GIT1: variants seen among roughly 807,000 people sequenced by gnomAD.
The protein encoded by GIT1 is GIT ArfGAP 1.
Under a neutral mutation model 91.7 loss-of-function variants are expected in GIT1, and 14 were observed. The observed-to-expected ratio is 0.15, with a 90% CI of 0.10 to 0.24. GIT1 has a LOEUF of 0.24. Ranked by LOEUF, GIT1 falls within the 10% of genes least tolerant of loss-of-function variation. GIT1 has a pLI of 1.00. For synonymous variants in GIT1, 414 were observed against 418.2 expected (o/e 0.99, Z 0.12); for missense variants, 717 against 1,024.9 (o/e 0.70, Z 4.10).
At position 29,588,178 on chromosome 17, in the gene GIT1, C is replaced by A. The variant is rs553314354; in HGVS notation, c.52+1149G>T. The stretch of plus-strand genomic sequence containing the variant: ...AAGGGGTGGCTGAAAGTTATGGGCC[C>A]ACAAACCAGCACCCCATACTCTCAC... On this transcript the variant is annotated intron_variant, in intron 1 of 19. Coordinates refer to ENST00000225394, the MANE Select transcript of GIT1 (RefSeq NM_014030.4). Among the ~76,000 whole-genome samples the A allele has an allele frequency of 5.3e-5, 8 of 152,324 alleles. 1 individual carries two copies. The highest frequency in any genetic ancestry group is 4.6e-4 in the Admixed American group (7 of 15,304).
rs534616331 is a variant in GIT1, at chr17:29,581,667, C to T, written c.718+75G>A. The stretch of plus-strand genomic sequence containing the variant: ...GCTCTGTCACCATGGCACCTGCTGC[C>T]GGGTGCGTCCAGGTCCCACCTGCCC... On this transcript the variant is annotated intron_variant, in intron 6 of 19. Coordinates refer to ENST00000225394, the MANE Select transcript of GIT1 (RefSeq NM_014030.4). The surrounding 1 kb of genome is among the most constrained non-coding windows in gnomAD (Gnocchi z 4.8). 9.2e-5 allele frequency: 105 copies of T among 1,136,274 alleles called. No homozygotes were observed. In the African/African-American group the frequency reaches 9.6e-4, roughly 10 times the overall value. The allele number at this position is 1,136,274 out of a possible 1,614,324, so 70.4% of individuals were successfully genotyped here.
In GIT1 at chr17:29,589,417, T is replaced by G. The variant is rs2033729548; in HGVS notation, c.-39A>C. On this transcript the variant is annotated 5_prime_UTR_variant, in exon 1 of 20. Coordinates refer to ENST00000225394, the MANE Select transcript of GIT1 (RefSeq NM_014030.4). This position sits in a 1 kb window ranked among gnomAD's most constrained non-coding sequence, Gnocchi z 5.2. ...GCGGCCGCAGCCCTCTGGGCCAGCG[T>G]GGGGGGCGCGGGCGGCGGGCCCGGG... 1.1e-6 allele frequency: 1 copy of G among 926,006 alleles called. No individual in the cohort carries two copies. Among genetic ancestry groups the G allele is most frequent in the Non-Finnish European group, 1.3e-6 (1 of 777,822 alleles). 57.4% of individuals were successfully genotyped at this position (926,006 alleles called of 1,614,324 possible).
At chr17:29,582,835 A>ATGGTGGGAGAGGGTGGTCACCT (rs1270134217) in intron 3 of GIT1, 32 bp from the exon 4 acceptor site, 1 of 1,589,002 alleles carries the variant, frequency 6.3e-7, no homozygotes, top group Non-Finnish European at 8.6e-7. Context: ...AATGGGGAGC[A>ATGGTGGGAGAGGGTGGTCACCT]TGGTGGGAGA....
chr17:29,588,649 G>A (rs2033683477), intron 1 of GIT1, among the ~76,000 whole-genome samples: 1 of 152,072 alleles, frequency 6.6e-6, no homozygotes, highest in Non-Finnish European at 1.5e-5. Context: ...AGGAACAGCA[G>A]GGTCCAGCCG....
intron 8 of GIT1, 137 bp from the exon 9 acceptor site, chr17:29,578,508 A>G (rs927696315): frequency 9.1e-6 from 8 of 880,374 alleles, no homozygotes; most frequent in Non-Finnish European, 1.5e-5. Flanking sequence ...TCAGAATGGG[A>G]AAGTGGAAAG....
intron 7 of GIT1, 140 bp from the exon 8 acceptor site, chr17:29,578,919 C>T: frequency 1.9e-6 from 3 of 1,607,276 alleles, no homozygotes; most frequent in Non-Finnish European, 2.6e-6. Flanking sequence ...CCTCCCCGCC[C>T]TACCCCACCT....
At position 29,573,546 on chromosome 17, in the gene GIT1, G is replaced by A. The variant is rs1323472554; in HGVS notation, c.*1156C>T. On this transcript the variant is annotated 3_prime_UTR_variant, in exon 20 of 20. Transcript: ENST00000225394. ...TGACAGCCCACCCACCACCACACAG[G>A]TAGGGCCTGGCCCCCAGGGAAGAAG... 3.3e-5 allele frequency: 5 copies of A among 152,630 alleles called. 1 individual carries two copies. Among genetic ancestry groups the A allele is most frequent in the Admixed American group, 3.3e-4 (5 of 15,288 alleles). 9.5% of individuals were successfully genotyped at this position (152,630 alleles called of 1,614,324 possible). A position where few individuals can be genotyped will look rare whatever the true frequency, so the allele number is the denominator to read the frequency against.
Position 29,589,265 on chromosome 17 carries a change from C to A in GIT1, c.52+62G>T. ...GCCCCGCACAGCGCTCTTGCCAGGC[C>A]CCGGCGCCCGCCCGGCGGCGGCCTG... On this transcript the variant is annotated intron_variant, in intron 1 of 19. Transcript: ENST00000225394. This position sits in a 1 kb window ranked among gnomAD's most constrained non-coding sequence, Gnocchi z 5.2. The A allele has an allele frequency of 2.8e-6, 2 of 726,030 alleles. No individual in the cohort carries two copies. Among genetic ancestry groups the A allele is most frequent in the Non-Finnish European group, 3.4e-6 (2 of 590,680 alleles). The allele number at this position is 726,030 out of a possible 1,614,324, so 45.0% of individuals were successfully genotyped here.
rs149075191 is a variant in GIT1, at chr17:29,579,910, G to A, written c.762-1131C>T. ...CACACTTCTGTGCCTGGAACTCTCCGCTCTCGGGATGGTCACTGCTCCTGC... is the reference window on the plus strand; with the variant it reads ...CACACTTCTGTGCCTGGAACTCTCCACTCTCGGGATGGTCACTGCTCCTGC... On this transcript the variant is annotated intron_variant, in intron 7 of 19. Coordinates refer to ENST00000225394, the MANE Select transcript of GIT1 (RefSeq NM_014030.4). Among the ~76,000 whole-genome samples the A allele has an allele frequency of 1.4e-4, 22 of 152,196 alleles. No homozygotes were observed. In the East Asian group the frequency reaches 3.1e-3, roughly 21 times the overall value.
At chr17:29,586,722 G>C (rs1371105706) in intron 1 of GIT1, among the ~76,000 whole-genome samples, 4 of 152,240 alleles carry the variant, frequency 2.6e-5, no homozygotes, top group African/African-American at 7.2e-5. Flanking sequence ...AGTGGAAAAG[G>C]CTGAGATAGA....
In GIT1 at chr17:29,574,759, G is replaced by A. The variant is rs529339978; in HGVS notation, c.2229C>T (p.Asp743=). ...LTQQVIQCAY[D]IAKAAKQLVT... is the part of the protein sequence containing the mutation. The stretch of plus-strand genomic sequence containing the variant: ...CCAGCTGCTTGGCAGCCTTGGCGAT[G>A]TCATAGGCGCACTGGATCACCTGCT... Residue 743 remains aspartate (D), a synonymous_variant, in exon 20 of 20, where the codon GAC becomes GAT. Coordinates refer to ENST00000225394, the MANE Select transcript of GIT1 (RefSeq NM_014030.4). 2.5e-6 allele frequency: 4 copies of A among 1,613,608 alleles called. No homozygotes were observed. In the African/African-American group the frequency reaches 5.3e-5, roughly 22 times the overall value.
At chr17:29,578,513 G>A (rs1437826244) in intron 8 of GIT1, 142 bp from the exon 9 acceptor site, 5 of 875,564 alleles carry the variant, frequency 5.7e-6, no homozygotes, top group Non-Finnish European at 5.8e-6. Context: ...ATGGGAAAGT[G>A]GAAAGGGATC....
intron 9 of GIT1, 92 bp from the exon 10 acceptor site, chr17:29,577,834 C>T: frequency 6.4e-6 from 5 of 778,312 alleles, no homozygotes; most frequent in Non-Finnish European, 1.1e-5. Flanking sequence ...CCTAGCTGCC[C>T]CCACGCCTAC....
At chr17:29,574,974 C>A in intron 19 of GIT1, 60 bp from the exon 20 acceptor site, 1 of 1,491,546 alleles carries the variant, frequency 6.7e-7, no homozygotes. Flanking sequence ...GAGATCAGGG[C>A]CCAGTTTGTC....
intron 7 of GIT1, among the ~76,000 whole-genome samples, chr17:29,579,921 G>T (rs1056592439): frequency 3.9e-5 from 6 of 152,104 alleles, no homozygotes; most frequent in Admixed American, 2.6e-4. Flanking sequence ...CTCTCGGGAT[G>T]GTCACTGCTC....
chr17:29,588,841 G>A (rs2033693909), intron 1 of GIT1, among the ~76,000 whole-genome samples: 1 of 152,226 alleles, frequency 6.6e-6, no homozygotes. Flanking sequence ...CCCCACTGGC[G>A]CATCTGCCCG....
intron 7 of GIT1, among the ~76,000 whole-genome samples, chr17:29,580,572 C>T (rs936281291): frequency 5.9e-5 from 9 of 152,192 alleles, no homozygotes; most frequent in Non-Finnish European, 1.2e-4. Context: ...GCAGAAACAC[C>T]TCATTCAACC....
In GIT1 at chr17:29,575,088, G is replaced by A; in HGVS notation, c.2064C>T (p.Leu688=). 1.3e-6 allele frequency: 2 copies of A among 1,597,494 alleles called. No individual in the cohort carries two copies. The highest frequency in any genetic ancestry group is 1.7e-6 in the Non-Finnish European group (2 of 1,167,864). ...TCTTTGGCCCCTGTACCTTTGGGAA[G>A]AGGGAGGCCATCTCGGTCACAGCCA... ...IHLAVTEMAS[L]FPKRPALEPV... The change falls in exon 19 of 20, where the codon CTC becomes CTT. Residue 688 remains leucine (L), a synonymous_variant. Coordinates refer to ENST00000225394, the MANE Select transcript of GIT1 (RefSeq NM_014030.4). The surrounding 1 kb of genome is among the most constrained non-coding windows in gnomAD (Gnocchi z 5.5).
intron 9 of GIT1, 92 bp downstream of exon 9, chr17:29,578,207 C>T (rs924320452): frequency 1.8e-5 from 19 of 1,068,810 alleles, no homozygotes; most frequent in African/African-American, 4.6e-5. Flanking sequence ...GCCCCAACCC[C>T]AGGCACCCCT....
Sources: gnomAD v4.1 joint callset for allele counts (sites outside exome capture counted in the v4.1 genomes callset) on GRCh38, gnomAD v4.1.1 for gene constraint, Gnocchi (gnomAD v3.1) non-coding constraint, MANE v1.5 for transcripts, NCBI Gene and HGNC (gene_info 2026-07-23, HGNC 2026-07-21) for gene names.